Variants in QPCT observed in about 807,000 individuals in gnomAD.
The protein encoded by QPCT is EC.
QPCT carries 44 observed loss-of-function variants against 43.4 expected under a neutral mutation model. That is an observed-to-expected ratio of 1.01 (90% CI 0.80 to 1.30). The LOEUF (loss-of-function observed/expected upper bound fraction) is 1.30, where lower values mean the gene tolerates loss of function less well. Ranked by LOEUF, QPCT falls within the 50% of genes most tolerant of loss-of-function variation. The pLI is 0.00. For missense variants in QPCT, 526 were observed against 436.5 expected (o/e 1.21, Z -1.83); for synonymous variants, 168 against 168.4 (o/e 1.00, Z 0.02).
intron 3 of QPCT, among the ~76,000 whole-genome samples, chr2:37,361,772 G>A (rs1672862038): frequency 6.6e-6 from 1 of 152,206 alleles, no homozygotes; most frequent in South Asian, 2.1e-4. Flanking sequence ...TTGATGGGGT[G>A]TTATTCTATT....
At chr2:37,355,571 C>T (rs1461976986) in intron 2 of QPCT, among the ~76,000 whole-genome samples, 1 of 152,120 alleles carries the variant, frequency 6.6e-6, no homozygotes, top group African/African-American at 2.4e-5. Flanking sequence ...TATGGGTTCT[C>T]TTTTACAGAA....
chr2:37,344,814 G>A lies in QPCT; in HGVS notation c.83G>A (p.Gly28Glu), dbSNP rs1196222561. ...LVAALPWASR[G>E]VSPSASAWPE... is the part of the protein sequence containing the mutation. The stretch of plus-strand genomic sequence containing the variant: ...GCCGCCCTGCCCTGGGCATCCAGGG[G>A]GGTCAGTCCGAGTGCCTCAGCCTGG... The change falls in exon 1 of 7, where the codon GGG (glycine) becomes GAG (glutamate). Residue 28 changes from glycine (G) to glutamate (E), a missense_variant. Coordinates refer to ENST00000338415, the MANE Select transcript of QPCT (RefSeq NM_012413.4). 6.2e-7 allele frequency: 1 copy of A among 1,607,756 alleles called. No individual in the cohort carries two copies. Among genetic ancestry groups the A allele is most frequent in the Non-Finnish European group, 8.5e-7 (1 of 1,177,674 alleles).
chr2:37,349,608 C>A (rs930344645), intron 1 of QPCT, among the ~76,000 whole-genome samples: 1 of 152,204 alleles, frequency 6.6e-6, no homozygotes, highest in Non-Finnish European at 1.5e-5. Flanking sequence ...CAAGGAGCCA[C>A]TGGTAAACAG....
chr2:37,369,627 T>A (rs1673031439), intron 4 of QPCT, 58 bp from the exon 5 acceptor site: 9 of 1,273,626 alleles, frequency 7.1e-6, no homozygotes, highest in Non-Finnish European at 1.0e-5. Flanking sequence ...ATTTCCCTGT[T>A]GATGAATATA....
rs549081834 is a variant in QPCT, at chr2:37,371,063, G to C, written c.823+1279G>C. ...AGTAAAGAATTTGTCTAGAATCTTA[G>C]AGAAACTTCTGCTTGAACTTTAGGT... is the stretch of plus-strand genomic sequence containing the variant. On this transcript the variant is annotated intron_variant, in intron 5 of 6. Transcript: ENST00000338415. Among the ~76,000 whole-genome samples, 3 of 152,214 alleles carry C rather than the reference G, an allele frequency of 2.0e-5. No individual in the cohort carries two copies. In the South Asian group the frequency reaches 6.2e-4, roughly 32 times the overall value.
intron 1 of QPCT, 106 bp from the exon 2 acceptor site, chr2:37,352,683 A>C: frequency 7.3e-7 from 1 of 1,373,866 alleles, no homozygotes; most frequent in South Asian, 1.3e-5. Flanking sequence ...ATTTGACATA[A>C]AGTTCTCCCT....
At chr2:37,359,972 T>G (rs1194124635) in intron 3 of QPCT, 114 bp downstream of exon 3, 1 of 1,116,180 alleles carries the variant, frequency 9.0e-7, no homozygotes, top group East Asian at 2.4e-5. Flanking sequence ...AGACTTTTGG[T>G]ACATTTTTAT....
intron 2 of QPCT, among the ~76,000 whole-genome samples, chr2:37,357,579 T>C (rs1342841446): frequency 6.6e-6 from 1 of 152,204 alleles, no homozygotes; most frequent in Non-Finnish European, 1.5e-5. Flanking sequence ...TTTCTTTTGA[T>C]GATGTGATAA....
chr2:37,370,647 G>C (rs1251360562), intron 5 of QPCT, among the ~76,000 whole-genome samples: 1 of 152,142 alleles, frequency 6.6e-6, no homozygotes. Flanking sequence ...TCAGGATAAA[G>C]AGAAAGCCAG....
Position 37,359,741 on chromosome 2 carries a change from C to T in QPCT, c.429C>T (p.Ser143=). 6.2e-7 allele frequency: 1 copy of T among 1,614,132 alleles called. No homozygotes were observed. The highest frequency in any genetic ancestry group is 2.2e-5 in the East Asian group (1 of 44,878). Residue 143 remains serine, a synonymous_variant, in exon 3 of 7, where the codon TCC becomes TCT. Transcript: ENST00000338415. The part of the protein sequence containing the change: ...RHLVLACHYD[S]KYFSHWNNRV... ...TGGTCCTCGCCTGCCACTATGACTCCAAGTATTTTTCCCACTGGAACAACA... is the reference window on the plus strand; with the variant it reads ...TGGTCCTCGCCTGCCACTATGACTCTAAGTATTTTTCCCACTGGAACAACA...
chr2:37,344,995 C>G, intron 1 of QPCT, 144 bp downstream of exon 1: 1 of 1,263,330 alleles, frequency 7.9e-7, no homozygotes, highest in Non-Finnish European at 1.0e-6. Context: ...CCACCCGGCG[C>G]CCGGAGGAGT....
chr2:37,349,281 T>C (rs953254739), intron 1 of QPCT, among the ~76,000 whole-genome samples: 6 of 152,178 alleles, frequency 3.9e-5, no homozygotes, highest in African/African-American at 9.7e-5. Flanking sequence ...AGCAAACACA[T>C]GTAAGTCTCT....
intron 2 of QPCT, 86 bp from the exon 3 acceptor site, chr2:37,359,494 G>T (rs959212633): frequency 8.0e-7 from 1 of 1,252,472 alleles, no homozygotes; most frequent in East Asian, 2.4e-5. Context: ...TAATTTGAAA[G>T]GCACTACTTA....
At chr2:37,358,650 C>CTGTCAGTCACTGTGTTGCCT (rs1672798375) in intron 2 of QPCT, 1 of 152,218 alleles carries the variant, frequency 6.6e-6, no homozygotes, top group Non-Finnish European at 1.5e-5. Flanking sequence ...TTGCTTTCTT[C>CTGTCAGTCACTGTGTTGCCT]TGTCAGTCAC....
At chr2:37,366,276 C>A (rs930619011) in intron 3 of QPCT, among the ~76,000 whole-genome samples, 4 of 152,296 alleles carry the variant, frequency 2.6e-5, no homozygotes, top group African/African-American at 9.6e-5. Context: ...ATCCTAGTCA[C>A]TCTTTTTAGT....
chr2:37,354,973 C>G (rs72864856), intron 2 of QPCT, among the ~76,000 whole-genome samples: 19,654 of 152,174 alleles, frequency 0.13, 3,918 homozygotes, highest in African/African-American at 0.43. Flanking sequence ...CAACAGAATA[C>G]AGTATATAGG....
intron 5 of QPCT, among the ~76,000 whole-genome samples, chr2:37,370,907 G>T (rs985122176): frequency 2.6e-5 from 4 of 152,180 alleles, no homozygotes; most frequent in African/African-American, 9.7e-5. Context: ...AGGCCAGGGG[G>T]CTGCTTTGAA....
rs752315380 is a variant in QPCT at position 37,344,810 on chromosome 2, A to T, written c.79A>T (p.Arg27Trp). ...GGTGGCCGCCCTGCCCTGGGCATCC[A>T]GGGGGGTCAGTCCGAGTGCCTCAGC... ...LLVAALPWAS[R>W]GVSPSASAWP... The change falls in exon 1 of 7, where the codon AGG (arginine) becomes TGG (tryptophan). Residue 27 changes from arginine (R) to tryptophan (W), a missense_variant. Coordinates refer to ENST00000338415, the MANE Select transcript of QPCT (RefSeq NM_012413.4). The T allele has an allele frequency of 1.1e-5, 17 of 1,608,348 alleles. No homozygotes were observed. The highest frequency in any genetic ancestry group is 1.4e-5 in the Non-Finnish European group (17 of 1,177,972).
intron 1 of QPCT, 109 bp from the exon 2 acceptor site, chr2:37,352,680 A>G (rs1307920260): frequency 8.8e-6 from 12 of 1,359,332 alleles, no homozygotes; most frequent in Non-Finnish European, 1.2e-5. Context: ...CTCATTTGAC[A>G]TAAAGTTCTC....
Sources: gnomAD v4.1 joint callset for allele counts (sites outside exome capture counted in the v4.1 genomes callset) on GRCh38, gnomAD v4.1.1 for gene constraint, MANE v1.5 for transcripts, NCBI Gene and HGNC (gene_info 2026-07-23, HGNC 2026-07-21) for gene names.